The following SBF2 variants were observed in gnomAD, a reference collection of about 807,000 sequenced individuals.
The protein encoded by SBF2 is myotubularin-related protein 13.
A neutral mutation model predicts 225.2 loss-of-function variants in SBF2; 112 were observed. The ratio of observed to expected loss-of-function variants is 0.50; its 90% CI spans 0.43 to 0.58. SBF2 has a LOEUF of 0.58. Among genes scored for constraint, SBF2 ranks in the 20% least tolerant of loss-of-function variants. SBF2 has a pLI of 0.00. For missense variants in SBF2, 1,996 were observed against 2,206.2 expected (o/e 0.90, Z 1.91); for synonymous variants, 763 against 773.3 (o/e 0.99, Z 0.22).
At chr11:10,187,187 C>A (rs185401076) in intron 2 of SBF2, among the ~76,000 whole-genome samples, 71 of 152,238 alleles carry the variant, frequency 4.7e-4, no homozygotes, top group Non-Finnish European at 8.8e-4. Context: ...CTCTGACGAC[C>A]AACTACTGCT....
intron 18 of SBF2, among the ~76,000 whole-genome samples, chr11:9,857,014 C>A (rs1220480550): frequency 1.3e-5 from 2 of 152,182 alleles, no homozygotes; most frequent in Non-Finnish European, 2.9e-5. Context: ...GTCTCGATCT[C>A]CTGACCTTGT....
intron 2 of SBF2, among the ~76,000 whole-genome samples, chr11:10,069,145 C>G (rs1006313581): frequency 6.6e-6 from 1 of 152,034 alleles, no homozygotes; most frequent in Admixed American, 6.6e-5. Flanking sequence ...AATAATTCAC[C>G]ACATAAAAAT....
chr11:10,255,014 C>G (rs1960747403), intron 1 of SBF2, among the ~76,000 whole-genome samples: 1 of 147,762 alleles, frequency 6.8e-6, no homozygotes, highest in African/African-American at 2.5e-5. Context: ...AGAGAATGAT[C>G]TCACTTATAC....
In SBF2 at chr11:9,816,907, T is replaced by C; in HGVS notation, c.3911A>G (p.Tyr1304Cys). The change falls in exon 29 of 40, where the codon TAC becomes TGC. Residue 1304 changes from tyrosine to cysteine, a missense_variant. Physicochemically the swap from Tyr to Cys is radical, Grantham distance 194 (BLOSUM62 -2). Transcript: ENST00000256190. ...DHSASFSNSS[Y>C]LQNQLLKRQA... The stretch of plus-strand genomic sequence containing the variant: ...CCGTTTCAAGAGCTGGTTTTGTAGG[T>C]AGCTGCTGTTACTGAAGGAGGCCGA... 1.2e-6 allele frequency: 2 copies of C among 1,614,156 alleles called. No homozygotes were observed. Among genetic ancestry groups the C allele is most frequent in the Non-Finnish European group, 1.7e-6 (2 of 1,180,020 alleles).
chr11:9,982,759 T>C (rs1947013670), intron 13 of SBF2, among the ~76,000 whole-genome samples: 1 of 152,144 alleles, frequency 6.6e-6, no homozygotes, highest in South Asian at 2.1e-4. Context: ...ATACTGTGAG[T>C]GCCCCAACTG....
intron 2 of SBF2, among the ~76,000 whole-genome samples, chr11:10,106,946 G>T (rs1433739058): frequency 1.3e-5 from 2 of 152,048 alleles, no homozygotes; most frequent in African/African-American, 2.4e-5. Flanking sequence ...TAGACAAATG[G>T]AAATTAAAAC....
intron 13 of SBF2, among the ~76,000 whole-genome samples, chr11:9,974,046 T>C (rs1266911290): frequency 1.3e-5 from 2 of 152,178 alleles, no homozygotes; most frequent in Non-Finnish European, 2.9e-5. Context: ...TTGTTAAACA[T>C]TGTCAAAACG....
At chr11:10,117,174 C>G (rs958834529) in intron 2 of SBF2, among the ~76,000 whole-genome samples, 17 of 152,134 alleles carry the variant, frequency 1.1e-4, no homozygotes, top group African/African-American at 4.1e-4. Flanking sequence ...GGCGTGGTGG[C>G]TCACGCCTGT....
intron 29 of SBF2, among the ~76,000 whole-genome samples, chr11:9,814,603 A>C (rs961871082): frequency 1.3e-5 from 2 of 152,234 alleles, no homozygotes; most frequent in African/African-American, 4.8e-5. Context: ...ACATGGGATG[A>C]ATAGTGACTA....
At chr11:10,260,153 A>G (rs1961282815) in intron 1 of SBF2, among the ~76,000 whole-genome samples, 1 of 152,226 alleles carries the variant, frequency 6.6e-6, no homozygotes, top group African/African-American at 2.4e-5. Context: ...AAAGGCCACA[A>G]TAGTTTTTAA....
intron 2 of SBF2, among the ~76,000 whole-genome samples, chr11:10,071,688 G>C: frequency 6.6e-6 from 1 of 152,166 alleles, no homozygotes; most frequent in East Asian, 1.9e-4. Context: ...CTAGTTTATT[G>C]AGAGTTTTTA....
At chr11:10,098,139 C>A (rs569873466) in intron 2 of SBF2, among the ~76,000 whole-genome samples, 1 of 152,026 alleles carries the variant, frequency 6.6e-6, no homozygotes, top group Non-Finnish European at 1.5e-5. Flanking sequence ...GTACATGGCA[C>A]CCTATATGTG....
At chr11:9,871,065 A>G (rs552806486) in intron 17 of SBF2, among the ~76,000 whole-genome samples, 1 of 152,216 alleles carries the variant, frequency 6.6e-6, no homozygotes, top group South Asian at 2.1e-4. Flanking sequence ...TCTAGGCAAT[A>G]CTTTTCAGGA....
intron 17 of SBF2, among the ~76,000 whole-genome samples, chr11:9,881,950 T>C (rs1244197617): frequency 6.6e-6 from 1 of 152,154 alleles, no homozygotes; most frequent in Admixed American, 6.5e-5. Context: ...ATTTTGCCAC[T>C]GCACTTCAGC....
At chr11:9,967,935 G>GTCTCTCTCTC (rs1469233412) in intron 14 of SBF2, among the ~76,000 whole-genome samples, 1 of 114,558 alleles carries the variant, frequency 8.7e-6, no homozygotes, top group Non-Finnish European at 1.8e-5. Flanking sequence ...CTGTCTGTCT[G>GTCTCTCTCTC]TCTGTCTGTC....
At chr11:10,124,556 T>C (rs2135066541) in intron 2 of SBF2, among the ~76,000 whole-genome samples, 1 of 152,350 alleles carries the variant, frequency 6.6e-6, no homozygotes, top group Middle Eastern at 3.4e-3. Context: ...AGTTTTATTA[T>C]CTTACTGGTT....
rs140682897 is a variant in SBF2 at position 9,909,111 on chromosome 11, A to G, written c.1861-13100T>C. On this transcript the variant is annotated intron_variant, in intron 16 of 39. Transcript: ENST00000256190. The stretch of plus-strand genomic sequence containing the variant: ...TTCAGTGAATATTACTAAACAAAAG[A>G]AAGATTACTCTAAAAATGAAAAGAA... Among the ~76,000 whole-genome samples the G allele has an allele frequency of 2.1e-3, 326 of 152,320 alleles. 10 individuals carry two copies. In the South Asian group the frequency reaches 0.038, roughly 18 times the overall value.
intron 6 of SBF2, among the ~76,000 whole-genome samples, chr11:10,007,305 G>T (rs180768004): frequency 6.6e-6 from 1 of 152,080 alleles, no homozygotes; most frequent in Admixed American, 6.6e-5. Context: ...ATGGGTAACT[G>T]CATCTTCATA....
intron 2 of SBF2, among the ~76,000 whole-genome samples, chr11:10,045,150 T>C (rs920098632): frequency 1.3e-5 from 2 of 151,208 alleles, no homozygotes; most frequent in African/African-American, 4.9e-5. Flanking sequence ...CAACTTGTTT[T>C]TGTGACTATC....
Sources: gnomAD v4.1 joint callset for allele counts (sites outside exome capture counted in the v4.1 genomes callset) on GRCh38, gnomAD v4.1.1 for gene constraint, MANE v1.5 for transcripts, NCBI Gene and HGNC (gene_info 2026-07-23, HGNC 2026-07-21) for gene names.